AGBL4: variants seen among roughly 807,000 people sequenced by gnomAD.
The protein encoded by AGBL4 is AGBL carboxypeptidase 4.
In AGBL4, 58 loss-of-function variants were observed where a neutral mutation model predicts 66.4. That is an observed-to-expected ratio of 0.87 (90% CI 0.71 to 1.09). The LOEUF (loss-of-function observed/expected upper bound fraction) is 1.09. Among genes scored for constraint, AGBL4 ranks in the 50% least tolerant of loss-of-function variants. AGBL4 has a pLI of 0.00. For missense variants in AGBL4, 579 were observed against 631.0 expected (o/e 0.92, Z 0.88); for synonymous variants, 234 against 222.9 (o/e 1.05, Z -0.44).
At chr1:49,684,266 T>C (rs1006778020) in intron 3 of AGBL4, among the ~76,000 whole-genome samples, 23 of 152,338 alleles carry the variant, frequency 1.5e-4, no homozygotes, top group African/African-American at 5.5e-4. Context: ...TCTTTGGCAG[T>C]AGATCAGCCA....
chr1:49,939,562 A>G (rs1274741536), intron 1 of AGBL4, among the ~76,000 whole-genome samples: 1 of 152,002 alleles, frequency 6.6e-6, no homozygotes, highest in Admixed American at 6.6e-5. Context: ...ATCTACAACT[A>G]TCTGATCTTT....
intron 1 of AGBL4, among the ~76,000 whole-genome samples, chr1:49,881,505 A>T (rs543944103): frequency 6.6e-6 from 1 of 150,550 alleles, no homozygotes; most frequent in East Asian, 1.9e-4. Flanking sequence ...TCCCACCAAC[A>T]GTGTAAAAGT....
chr1:49,941,145 G>T (rs1290458419), intron 1 of AGBL4, among the ~76,000 whole-genome samples: 1 of 152,076 alleles, frequency 6.6e-6, no homozygotes, highest in Non-Finnish European at 1.5e-5. Flanking sequence ...TGAAAAAATA[G>T]AAAATCTGAA....
chr1:48,611,455 C>CT (rs1397437352), intron 9 of AGBL4, among the ~76,000 whole-genome samples: 1 of 152,198 alleles, frequency 6.6e-6, no homozygotes, highest in Non-Finnish European at 1.5e-5. Flanking sequence ...GGGACAATTA[C>CT]TTTTATTTTT....
At chr1:48,912,272 G>T (rs1283875820) in intron 5 of AGBL4, among the ~76,000 whole-genome samples, 1 of 152,184 alleles carries the variant, frequency 6.6e-6, no homozygotes. Flanking sequence ...GGGAATCCAG[G>T]AGTGGCCAGC....
At position 49,389,449 on chromosome 1, in the gene AGBL4, G is replaced by A. The variant is rs115861798; in HGVS notation, c.283-143585C>T. Among the ~76,000 whole-genome samples, 217 of 152,204 alleles carry A rather than the reference G, an allele frequency of 1.4e-3. 1 individual carries two copies. Among genetic ancestry groups the A allele is most frequent in the Middle Eastern group, 6.8e-3 (2 of 294 alleles). ...GTACTATTACTCTCATTTTACAGAA[G>A]AGGAAATTGAGGCTTGACTTGAGAA... On this transcript the variant is annotated intron_variant, in intron 3 of 13. Transcript: ENST00000371839.
intron 4 of AGBL4, among the ~76,000 whole-genome samples, chr1:49,140,272 A>C (rs766969815): frequency 9.2e-5 from 14 of 152,242 alleles, no homozygotes; most frequent in Non-Finnish European, 1.6e-4. Flanking sequence ...TGACTCTCAA[A>C]ACAACACTGC....
intron 5 of AGBL4, among the ~76,000 whole-genome samples, chr1:48,937,539 TCACTAA>T (rs1655582793): frequency 6.6e-6 from 1 of 152,204 alleles, no homozygotes; most frequent in Non-Finnish European, 1.5e-5. Context: ...TCCATGACAT[TCACTAA>T]CTGCTACCCC....
intron 3 of AGBL4, among the ~76,000 whole-genome samples, chr1:49,662,590 T>G (rs1295902172): frequency 6.6e-6 from 1 of 152,142 alleles, no homozygotes; most frequent in Non-Finnish European, 1.5e-5. Flanking sequence ...GGCAGAGAGT[T>G]ACGTTATGCC....
intron 6 of AGBL4, among the ~76,000 whole-genome samples, chr1:48,822,676 T>TAAAA (rs1646342261): frequency 6.6e-6 from 1 of 152,176 alleles, no homozygotes; most frequent in Non-Finnish European, 1.5e-5. Context: ...TTCCTCCAAA[T>TAAAA]AAACAAACAA....
chr1:48,689,416 C>T (rs549407026), intron 6 of AGBL4, among the ~76,000 whole-genome samples: 2,867 of 150,432 alleles, frequency 0.019, 113 homozygotes, highest in African/African-American at 0.066. Context: ...TTCCTTCCTT[C>T]CTTCCTTCCT....
At chr1:49,941,153 G>T (rs1383048236) in intron 1 of AGBL4, among the ~76,000 whole-genome samples, 2 of 152,024 alleles carry the variant, frequency 1.3e-5, no homozygotes, top group Non-Finnish European at 2.9e-5. Flanking sequence ...TAGAAAATCT[G>T]AACAGACCAA....
chr1:49,454,247 A>G (rs1239732624), intron 3 of AGBL4, among the ~76,000 whole-genome samples: 1 of 151,784 alleles, frequency 6.6e-6, no homozygotes, highest in Non-Finnish European at 1.5e-5. Flanking sequence ...GAAACAAAAT[A>G]AACTCCTGGA....
chr1:49,669,668 C>T (rs899412227), intron 3 of AGBL4, among the ~76,000 whole-genome samples: 3 of 151,976 alleles, frequency 2.0e-5, no homozygotes, highest in Admixed American at 2.0e-4. Flanking sequence ...ATAGAGAAAA[C>T]AGTGATTGAC....
downstream of AGBL4, among the ~76,000 whole-genome samples, chr1:48,530,930 A>G (rs1001936478): frequency 6.6e-6 from 1 of 152,196 alleles, no homozygotes; most frequent in African/African-American, 2.4e-5. Flanking sequence ...CCCCTGCTGG[A>G]GCCAGGTGGG....
At chr1:49,603,524 CAAAA>C (rs1274669482) in intron 3 of AGBL4, among the ~76,000 whole-genome samples, 27 of 115,392 alleles carry the variant, frequency 2.3e-4, no homozygotes, top group South Asian at 2.0e-3. Flanking sequence ...GACTCCATCT[CAAAA>C]AATAAATAAA....
chr1:48,737,143 G>A (rs1649191454), intron 6 of AGBL4, among the ~76,000 whole-genome samples: 3 of 152,256 alleles, frequency 2.0e-5, no homozygotes, highest in Admixed American at 1.3e-4. Flanking sequence ...AATTAGCCAG[G>A]TGTGGTGGCA....
intron 2 of AGBL4, among the ~76,000 whole-genome samples, chr1:49,812,492 AT>A (rs1372412774): frequency 2.0e-5 from 3 of 152,174 alleles, no homozygotes; most frequent in Non-Finnish European, 4.4e-5. Flanking sequence ...AGCCAGTTCC[AT>A]TTATCTACAT....
intron 6 of AGBL4, among the ~76,000 whole-genome samples, chr1:48,688,145 G>A (rs149771374): frequency 5.3e-4 from 81 of 152,302 alleles, no homozygotes; most frequent in Middle Eastern, 3.4e-3. Context: ...GAGAAGGAGG[G>A]AGGAAGAGAA....
Sources: allele counts gnomAD v4.1 joint callset (sites outside exome capture counted in the v4.1 genomes callset), GRCh38; gene constraint gnomAD v4.1.1; transcripts MANE v1.5; gene names NCBI Gene and HGNC (gene_info 2026-07-23, HGNC 2026-07-21).